The following CRIM1 variants were observed in gnomAD, a reference collection of about 807,000 sequenced individuals.
CRIM1 encodes cysteine-rich motor neuron 1 protein.
CRIM1 carries 32 observed loss-of-function variants against 116.4 expected under a neutral mutation model. The observed-to-expected ratio is 0.27, with a 90% CI of 0.21 to 0.37. The LOEUF (loss-of-function observed/expected upper bound fraction) is 0.37, where lower values mean the gene tolerates loss of function less well. Among genes scored for constraint, CRIM1 ranks in the 10% least tolerant of loss-of-function variants. CRIM1 has a pLI of 1.00. For synonymous variants in CRIM1, 590 were observed against 509.2 expected, an observed-to-expected ratio of 1.16 and a Z score of -2.13; for missense variants, 1,331 against 1,354.8, an observed-to-expected ratio of 0.98 and a Z score of 0.28.
intron 2 of CRIM1, among the ~76,000 whole-genome samples, chr2:36,403,893 A>AG: frequency 6.6e-6 from 1 of 152,108 alleles, no homozygotes; most frequent in African/African-American, 2.4e-5. Context: ...GAACTCAGAG[A>AG]GAGATCTGAG....
At chr2:36,450,242 G>A (rs551936438) in intron 4 of CRIM1, among the ~76,000 whole-genome samples, 1 of 152,278 alleles carries the variant, frequency 6.6e-6, no homozygotes, top group African/African-American at 2.4e-5. Flanking sequence ...TGCCCACACA[G>A]GCTCACCTGT....
At position 36,548,710 on chromosome 2, in the gene CRIM1, A is replaced by C; in HGVS notation, c.*9A>C. The C allele has an allele frequency of 6.4e-7, 1 of 1,569,440 alleles. No individual in the cohort carries two copies. The highest frequency in any genetic ancestry group is 8.6e-7 in the Non-Finnish European group (1 of 1,163,732). On this transcript the variant is annotated 3_prime_UTR_variant, in exon 17 of 17. Coordinates refer to ENST00000280527, the MANE Select transcript of CRIM1 (RefSeq NM_016441.3). ...TCTACCAAACAGTGTGAAGAAAGGC[A>C]ACTAGGATGAGGTTTCAAAAGACGG...
intron 7 of CRIM1, among the ~76,000 whole-genome samples, chr2:36,487,879 T>C (rs1005841612): frequency 1.3e-5 from 2 of 152,236 alleles, no homozygotes; most frequent in African/African-American, 4.8e-5. Flanking sequence ...GGTCATATAC[T>C]GTATTACAAC....
intron 2 of CRIM1, among the ~76,000 whole-genome samples, chr2:36,420,470 G>T (rs900397903): frequency 6.6e-6 from 1 of 152,144 alleles, no homozygotes; most frequent in African/African-American, 2.4e-5. Context: ...TGTCTCAACT[G>T]TTCAGTCCGT....
intron 8 of CRIM1, among the ~76,000 whole-genome samples, chr2:36,502,996 A>C (rs1572882399): frequency 6.6e-6 from 1 of 152,216 alleles, no homozygotes; most frequent in East Asian, 1.9e-4. Flanking sequence ...GACTTACTTC[A>C]ACACTGATTG....
At chr2:36,486,884 C>G (rs990297250) in intron 7 of CRIM1, among the ~76,000 whole-genome samples, 1 of 152,112 alleles carries the variant, frequency 6.6e-6, no homozygotes, top group African/African-American at 2.4e-5. Context: ...TCTTTTGAGA[C>G]TGTGCTAAAC....
In CRIM1 at chr2:36,356,422, A is replaced by C. The variant is rs1323929330; in HGVS notation, c.130A>C (p.Lys44Gln). Residue 44 changes from lysine to glutamine, a missense_variant, in exon 1 of 17, where the codon AAG (lysine) becomes CAG (glutamine). This residue lies in a region of CRIM1 where 690 missense variants were observed against 676.0 expected (regional missense o/e 1.02). Transcript: ENST00000280527. This position sits in a 1 kb window ranked among gnomAD's most constrained non-coding sequence, Gnocchi z 4.3. Reference protein sequence around the residue: ...ALVCLPCDESKCEEPRNCPGS... With the variant: ...ALVCLPCDESQCEEPRNCPGS... ...GGTCTGCCTGCCCTGTGACGAGTCCAAGTGCGAGGAGCCCAGGAACTGCCC... is the reference window on the plus strand; with the variant it reads ...GGTCTGCCTGCCCTGTGACGAGTCCCAGTGCGAGGAGCCCAGGAACTGCCC... 4 of 1,610,762 alleles carry C rather than the reference A, an allele frequency of 2.5e-6. No individual in the cohort carries two copies.
chr2:36,413,558 G>A (rs199939913), intron 2 of CRIM1, among the ~76,000 whole-genome samples: 2 of 152,124 alleles, frequency 1.3e-5, no homozygotes, highest in African/African-American at 4.8e-5. Flanking sequence ...GTTTCAGAGA[G>A]AGCCCAGAAC....
chr2:36,538,482 C>T (rs969344116), intron 14 of CRIM1, among the ~76,000 whole-genome samples: 13 of 152,114 alleles, frequency 8.5e-5, no homozygotes, highest in African/African-American at 3.1e-4. Flanking sequence ...TATTAGAGAA[C>T]CTTGTTGTAT....
In CRIM1 at chr2:36,356,899, G is replaced by A. The variant is rs1024362537; in HGVS notation, c.331+276G>A. ...TCCCCGCGCAGACGCGCACACGTGTGGCCGTTCCTGCTGGGACTGGGTGGC... is the reference window on the plus strand; with the variant it reads ...TCCCCGCGCAGACGCGCACACGTGTAGCCGTTCCTGCTGGGACTGGGTGGC... On this transcript the variant is annotated intron_variant, in intron 1 of 16. Coordinates refer to ENST00000280527, the MANE Select transcript of CRIM1 (RefSeq NM_016441.3). The surrounding 1 kb of genome is among the most constrained non-coding windows in gnomAD (Gnocchi z 4.3). 2.0e-5 allele frequency among the ~76,000 whole-genome samples: 3 copies of A among 152,118 alleles called. No homozygotes were observed. The highest frequency in any genetic ancestry group is 6.5e-5 in the Admixed American group (1 of 15,288).
chr2:36,356,468 T>C lies in CRIM1; in HGVS notation c.176T>C (p.Val59Ala). Residue 59 changes from valine (V) to alanine (A), a missense_variant, in exon 1 of 17, where the codon GTC (valine) becomes GCC (alanine). Coordinates refer to ENST00000280527, the MANE Select transcript of CRIM1 (RefSeq NM_016441.3). The surrounding 1 kb of genome is among the most constrained non-coding windows in gnomAD (Gnocchi z 4.3). The part of the protein sequence containing the change: ...RNCPGSIVQG[V>A]CGCCYTCASQ... ...TGCCCGGGGAGCATCGTGCAGGGCG[T>C]CTGCGGCTGCTGCTACACGTGCGCC... 6.2e-7 allele frequency: 1 copy of C among 1,611,814 alleles called. No homozygotes were observed.
chr2:36,535,517 GATTACA>G (rs1248191010), intron 13 of CRIM1, among the ~76,000 whole-genome samples: 1 of 152,120 alleles, frequency 6.6e-6, no homozygotes, highest in Non-Finnish European at 1.5e-5. Flanking sequence ...ATTGATTTCT[GATTACA>G]ACTAGAACTT....
chr2:36,472,415 A>G (rs75845338), intron 5 of CRIM1, among the ~76,000 whole-genome samples: 18 of 152,256 alleles, frequency 1.2e-4, no homozygotes, highest in African/African-American at 3.9e-4. Flanking sequence ...TTTCACCCTT[A>G]AAGATTGATT....
intron 5 of CRIM1, among the ~76,000 whole-genome samples, chr2:36,475,536 T>A (rs1165146415): frequency 6.6e-6 from 1 of 152,226 alleles, no homozygotes; most frequent in Non-Finnish European, 1.5e-5. Flanking sequence ...AGAGATAGTT[T>A]TACTTCTTCC....
At chr2:36,492,163 AAAAT>A (rs1379262953) in intron 7 of CRIM1, among the ~76,000 whole-genome samples, 1 of 152,204 alleles carries the variant, frequency 6.6e-6, no homozygotes, top group East Asian at 1.9e-4. Flanking sequence ...AAATAGGTCT[AAAAT>A]AAATACATGG....
intron 1 of CRIM1, among the ~76,000 whole-genome samples, chr2:36,386,524 C>G (rs13385670): frequency 0.091 from 13,882 of 152,236 alleles, 1,421 homozygotes; most frequent in African/African-American, 0.25. Flanking sequence ...AACTTACTTT[C>G]CAGAAAAAGT....
intron 2 of CRIM1, among the ~76,000 whole-genome samples, chr2:36,426,928 C>T (rs1317221021): frequency 2.0e-5 from 3 of 152,230 alleles, no homozygotes; most frequent in East Asian, 1.9e-4. Context: ...AGGAGCCGTG[C>T]GCAGTGGCTC....
At chr2:36,486,434 C>A (rs578056606) in intron 7 of CRIM1, among the ~76,000 whole-genome samples, 1 of 152,048 alleles carries the variant, frequency 6.6e-6, no homozygotes, top group Non-Finnish European at 1.5e-5. Context: ...TCATACTGAA[C>A]CAAGTTTTAC....
Position 36,513,655 on chromosome 2 carries a change from G to A in CRIM1, c.1880G>A (p.Arg627Gln), listed in dbSNP as rs1425998340. 2.5e-6 allele frequency: 4 copies of A among 1,614,044 alleles called. No individual in the cohort carries two copies. Among genetic ancestry groups the A allele is most frequent in the South Asian group, 1.1e-5 (1 of 91,076 alleles). ...KNEESWHDGC[R>Q]ECYCLNGREM... ...GAGGAGAGCTGGCACGATGGGTGCC[G>A]GGAATGCTACTGTCTCAATGGACGG... Residue 627 changes from arginine (R) to glutamine (Q), a missense_variant, in exon 11 of 17, where the codon CGG becomes CAG. Arg to Gln is a conservative substitution (Grantham distance 43). Coordinates refer to ENST00000280527, the MANE Select transcript of CRIM1 (RefSeq NM_016441.3).
Sources: allele counts gnomAD v4.1 joint callset (sites outside exome capture counted in the v4.1 genomes callset), GRCh38; gene constraint gnomAD v4.1.1; regional missense constraint gnomAD v4.1.1; non-coding constraint Gnocchi (gnomAD v3.1); transcripts MANE v1.5; gene names NCBI Gene and HGNC (gene_info 2026-07-23, HGNC 2026-07-21).